Variants in PSD3 observed in about 807,000 individuals in gnomAD.
PSD3 encodes PH and SEC7 domain-containing protein 3.
In PSD3, 49 loss-of-function variants were observed where a neutral mutation model predicts 105.5. The observed-to-expected ratio is 0.46, with a 90% CI of 0.37 to 0.59. The LOEUF is 0.59. Ranked by LOEUF, PSD3 falls within the 20% of genes least tolerant of loss-of-function variation. The pLI is 0.00. For missense variants in PSD3, 1,561 were observed against 1,263.8 expected, an observed-to-expected ratio of 1.24 and a Z score of -3.57; for synonymous variants, 557 against 457.8, an observed-to-expected ratio of 1.22 and a Z score of -2.77.
At chr8:18,595,499 AGAG>A (rs1251656017) in intron 12 of PSD3, among the ~76,000 whole-genome samples, 1 of 61,274 alleles carries the variant, frequency 1.6e-5, no homozygotes, top group Non-Finnish European at 4.8e-5. Context: ...GCAGAGAGAG[AGAG>A]AAAAAAAAAC....
At chr8:18,977,532 C>A (rs941136328) in intron 1 of PSD3, among the ~76,000 whole-genome samples, 1 of 151,844 alleles carries the variant, frequency 6.6e-6, no homozygotes, top group Non-Finnish European at 1.5e-5. Context: ...AGATAATGGG[C>A]CTTTTTATTT....
chr8:19,024,734 T>A (rs1434118491), intron 1 of PSD3, among the ~76,000 whole-genome samples: 1 of 152,050 alleles, frequency 6.6e-6, no homozygotes, highest in Non-Finnish European at 1.5e-5. Flanking sequence ...TTAAGCTCTA[T>A]AGAAGGTCTT....
chr8:19,055,574 C>G (rs1440755506), intron 1 of PSD3, among the ~76,000 whole-genome samples: 1 of 152,086 alleles, frequency 6.6e-6, no homozygotes, highest in East Asian at 1.9e-4. Context: ...TTTTTTTTCA[C>G]TGGTCTGCAT....
intron 1 of PSD3, among the ~76,000 whole-genome samples, chr8:18,957,512 C>T (rs1398016152): frequency 7.5e-6 from 1 of 133,896 alleles, no homozygotes; most frequent in African/African-American, 2.9e-5. Flanking sequence ...TTCCACATCT[C>T]ATCCATCTCT....
chr8:19,013,991 C>G (rs1827089055), upstream of PSD3: 3 of 152,180 alleles, frequency 2.0e-5, no homozygotes, highest in South Asian at 4.2e-4. Context: ...TCGAGCGGCC[C>G]GGACCGTCCG....
chr8:18,729,287 G>T (rs964990988), intron 9 of PSD3, among the ~76,000 whole-genome samples: 3 of 152,172 alleles, frequency 2.0e-5, no homozygotes, highest in African/African-American at 7.2e-5. Flanking sequence ...CTTAAGCAAT[G>T]AGCTAAGGAA....
rs937806042 is a variant in PSD3 at position 18,921,958 on chromosome 8, T to A, written c.130+14076A>T. Among the ~76,000 whole-genome samples, 6 of 152,324 alleles carry A rather than the reference T, an allele frequency of 3.9e-5. No individual in the cohort carries two copies. The East Asian group carries it at 9.7e-4, about 25-fold the overall frequency. On this transcript the variant is annotated intron_variant, in intron 2 of 15. Coordinates refer to ENST00000327040, the MANE Select transcript of PSD3 (RefSeq NM_015310.4). Reference sequence around the variant, plus strand: ...GAAGCTTCAAGTCTGGATTTTTACATGAAATCTCCCAGTTTTTAAAAGTTA... The same window carrying A: ...GAAGCTTCAAGTCTGGATTTTTACAAGAAATCTCCCAGTTTTTAAAAGTTA...
intron 2 of PSD3, among the ~76,000 whole-genome samples, chr8:18,929,219 C>T (rs334750): frequency 0.02 from 2,997 of 150,878 alleles, 106 homozygotes; most frequent in African/African-American, 0.069. Context: ...TGGCAACAAC[C>T]AATTTCAAAA....
chr8:19,041,073 T>C lies in PSD3; in HGVS notation c.324+43133A>G, dbSNP rs986878182. Among the ~76,000 whole-genome samples, 12 of 152,060 alleles carry C rather than the reference T, an allele frequency of 7.9e-5. No individual in the cohort carries two copies. In the East Asian group the frequency reaches 1.7e-3, roughly 22 times the overall value. On this transcript the variant is annotated intron_variant, in intron 1 of 1. Transcript: ENST00000521475. ...ACATCCAGCTAATTTTTAAATGTGT[T>C]TTTTATAGAGACATGGTCTCACTAT...
intron 4 of PSD3, among the ~76,000 whole-genome samples, chr8:18,828,067 A>ATATTTTTTT (rs371473289): frequency 3.0e-4 from 36 of 118,880 alleles, no homozygotes; most frequent in African/African-American, 1.2e-3. Flanking sequence ...ATATATATAT[A>ATATTTTTTT]TTTTTTTTTT....
chr8:19,001,342 C>G (rs1826378411), intron 1 of PSD3, among the ~76,000 whole-genome samples: 1 of 151,666 alleles, frequency 6.6e-6, no homozygotes, highest in African/African-American at 2.4e-5. Context: ...GTTCTAGGTT[C>G]ACAGTAAAAT....
Position 18,928,331 on chromosome 8 carries a change from G to A in PSD3, c.130+7703C>T, listed in dbSNP as rs1311190011. On this transcript the variant is annotated intron_variant, in intron 2 of 15. Coordinates refer to ENST00000327040, the MANE Select transcript of PSD3 (RefSeq NM_015310.4). The stretch of plus-strand genomic sequence containing the variant: ...TAAGACATCCCTTTGCTCTTCCTTC[G>A]TCTTCCACCATGATTGTGAGGCCTC... Among the ~76,000 whole-genome samples, 5 of 152,160 alleles carry A rather than the reference G, an allele frequency of 3.3e-5. No individual in the cohort carries two copies. The South Asian group carries it at 6.2e-4, about 19-fold the overall frequency.
intron 8 of PSD3, among the ~76,000 whole-genome samples, chr8:18,771,931 G>A (rs1326498771): frequency 1.3e-5 from 2 of 152,090 alleles, no homozygotes; most frequent in African/African-American, 2.4e-5. Context: ...TCTACTTTCT[G>A]TTTATATGAA....
At chr8:18,984,690 A>T (rs1028456984) in intron 1 of PSD3, among the ~76,000 whole-genome samples, 1 of 152,206 alleles carries the variant, frequency 6.6e-6, no homozygotes, top group South Asian at 2.1e-4. Flanking sequence ...GAGGTTTTTA[A>T]ATTTTTTCAC....
rs184235726 is a variant in PSD3 at position 18,672,425 on chromosome 8, A to G, written c.2173-16740T>C. 2.8e-4 allele frequency among the ~76,000 whole-genome samples: 43 copies of G among 152,316 alleles called. 1 individual carries two copies. Among genetic ancestry groups the G allele is most frequent in the Non-Finnish European group, 1.2e-4 (8 of 68,022 alleles). The stretch of plus-strand genomic sequence containing the variant: ...CATTTGTTCCCTGTCATTTCCATGC[A>G]TTAGACAAAGCAATGAAGACAAACC... On this transcript the variant is annotated intron_variant, in intron 9 of 15. Transcript: ENST00000327040.
chr8:18,658,042 G>A (rs1302306175), intron 9 of PSD3, among the ~76,000 whole-genome samples: 1 of 152,134 alleles, frequency 6.6e-6, no homozygotes, highest in Non-Finnish European at 1.5e-5. Flanking sequence ...TATTCAATCA[G>A]CCAGATATCT....
intron 1 of PSD3, among the ~76,000 whole-genome samples, chr8:19,035,533 T>C (rs1343189449): frequency 6.6e-6 from 1 of 152,042 alleles, no homozygotes; most frequent in East Asian, 1.9e-4. Flanking sequence ...ACAACAAAAT[T>C]GTCTAGTCTC....
chr8:18,699,019 G>A (rs946959007), intron 9 of PSD3, among the ~76,000 whole-genome samples: 7 of 152,162 alleles, frequency 4.6e-5, no homozygotes, highest in Admixed American at 2.6e-4. Context: ...GGAAATGAAT[G>A]AAAAGGTTAC....
At chr8:19,030,377 C>T (rs1827723496) in intron 1 of PSD3, among the ~76,000 whole-genome samples, 1 of 152,100 alleles carries the variant, frequency 6.6e-6, no homozygotes, top group East Asian at 1.9e-4. Flanking sequence ...TATTTGTCCC[C>T]ACCCAAATCT....
Sources: gnomAD v4.1 joint callset for allele counts (sites outside exome capture counted in the v4.1 genomes callset) on GRCh38, gnomAD v4.1.1 for gene constraint, MANE v1.5 for transcripts, NCBI Gene and HGNC (gene_info 2026-07-23, HGNC 2026-07-21) for gene names.